Variants in POLA1 observed in about 807,000 individuals in gnomAD.
POLA1 encodes DNA polymerase alpha 1, catalytic subunit, also known as DNA polymerase alpha catalytic subunit.
A neutral mutation model predicts 124.0 loss-of-function variants in POLA1; 15 were observed. That is an observed-to-expected ratio of 0.12 (90% CI 0.08 to 0.19). The LOEUF (loss-of-function observed/expected upper bound fraction) is 0.19, where lower values mean the gene tolerates loss of function less well. POLA1 is among the 10% of genes least tolerant of loss of function. The pLI is 1.00. For missense variants in POLA1, 886 were observed against 1,103.4 expected, an observed-to-expected ratio of 0.80 and a Z score of 2.79; for synonymous variants, 408 against 389.4, an observed-to-expected ratio of 1.05 and a Z score of -0.56.
intron 36 of POLA1, among the ~76,000 whole-genome samples, chrX:24,955,811 G>A (rs1196920574): frequency 1.8e-5 from 2 of 111,793 alleles, no homozygotes; most frequent in East Asian, 5.6e-4. Flanking sequence ...TTTGTTCAGA[G>A]ATGTGTAGAT....
At chrX:24,951,381 T>C (rs887145833) in intron 36 of POLA1, among the ~76,000 whole-genome samples, 13 of 91,632 alleles carry the variant, frequency 1.4e-4, no homozygotes, top group African/African-American at 5.2e-4. Context: ...CGAGGATATT[T>C]TATTATAAAT....
chrX:24,917,002 A>G (rs980592784), intron 35 of POLA1, among the ~76,000 whole-genome samples: 1 of 112,514 alleles, frequency 8.9e-6, no homozygotes, highest in Non-Finnish European at 1.9e-5. Flanking sequence ...TAACACTTTA[A>G]TGTCTAAAAA....
At chrX:24,776,396 C>A (rs773786333) in intron 26 of POLA1, among the ~76,000 whole-genome samples, 2 of 111,410 alleles carry the variant, frequency 1.8e-5, no homozygotes, top group East Asian at 5.6e-4. Flanking sequence ...CATTTTCCCC[C>A]CTTTTCCTAA....
intron 26 of POLA1, among the ~76,000 whole-genome samples, chrX:24,778,662 CTCTG>C (rs2045193400): frequency 8.9e-6 from 1 of 112,079 alleles, no homozygotes; most frequent in African/African-American, 3.2e-5. Flanking sequence ...TTTCCCTATG[CTCTG>C]GGCACTATCC....
At position 24,723,163 on chromosome X, in the gene POLA1, T is replaced by C; in HGVS notation, c.1096T>C (p.Phe366Leu). 1.7e-6 allele frequency: 2 copies of C among 1,185,495 alleles called. No individual in the cohort carries two copies. The highest frequency in any genetic ancestry group is 2.3e-6 in the Non-Finnish European group (2 of 871,645). ...TTCACTTATTCTTTCAGGTGTGGTA[T>C]TTCTGTTTGGGAAAGTTTGGATTGA... ...EDQYNQPGVV[F>L]LFGKVWIESA... The change falls in exon 11 of 37, where the codon TTT becomes CTT. Residue 366 changes from phenylalanine to leucine, a missense_variant. By Grantham distance (22) the Phe-to-Leu change is conservative (BLOSUM62 0). This residue lies in a region of POLA1 where 337 missense variants were observed against 402.8 expected (regional missense o/e 0.84). Coordinates refer to ENST00000379068, the MANE Select transcript of POLA1 (RefSeq NM_001330360.2).
At chrX:24,864,709 C>T (rs967809822) in intron 34 of POLA1, among the ~76,000 whole-genome samples, 3 of 109,965 alleles carry the variant, frequency 2.7e-5, no homozygotes, top group Non-Finnish European at 5.7e-5. Context: ...CTTTCGTGGA[C>T]ATCACAGCTA....
chrX:24,904,487 A>G (rs2047331456), intron 35 of POLA1, among the ~76,000 whole-genome samples: 1 of 108,807 alleles, frequency 9.2e-6, no homozygotes, highest in Admixed American at 9.8e-5. Context: ...TGGTGGCAAC[A>G]GAAGCTGCAG....
At chrX:24,743,700 TC>T (rs1205626978) in intron 23 of POLA1, among the ~76,000 whole-genome samples, 1 of 111,616 alleles carries the variant, frequency 9.0e-6, no homozygotes, top group Non-Finnish European at 1.9e-5. Context: ...CCGTAGTTTG[TC>T]TAATACATAG....
intron 35 of POLA1, among the ~76,000 whole-genome samples, chrX:24,930,221 G>A (rs1027441287): frequency 8.9e-6 from 1 of 111,852 alleles, no homozygotes; most frequent in South Asian, 3.7e-4. Flanking sequence ...CTGCAGCTTC[G>A]CAAGTAGTAA....
chrX:24,983,482 A>G (rs181772457), intron 36 of POLA1, among the ~76,000 whole-genome samples: 40 of 112,001 alleles, frequency 3.6e-4, no homozygotes, highest in African/African-American at 1.3e-3. Flanking sequence ...CCCAAACGCA[A>G]TTTATTTGCC....
rs748941380 is a variant in POLA1, at chrX:24,712,080, A to AT, written c.347-2465dup. On this transcript the variant is annotated intron_variant, in intron 4 of 36. Transcript: ENST00000379068. The stretch of plus-strand genomic sequence containing the variant: ...GCATTTCAGTGTGGTTTTCATTTGC[A>AT]TTTTTTTTTGTTTGTTTGTTTTTGA... 2.8e-3 allele frequency among the ~76,000 whole-genome samples: 311 copies of AT among 109,516 alleles called. 3 individuals carry two copies. The highest frequency in any genetic ancestry group is 9.6e-3 in the African/African-American group (291 of 30,233).
chrX:24,706,733 A>G (rs1286772542), intron 4 of POLA1, among the ~76,000 whole-genome samples: 3 of 112,175 alleles, frequency 2.7e-5, no homozygotes, highest in Non-Finnish European at 5.6e-5. Context: ...TGTTCTTGTT[A>G]TATATCCTAA....
At chrX:24,797,990 G>A (rs1226964217) in intron 26 of POLA1, among the ~76,000 whole-genome samples, 1 of 110,649 alleles carries the variant, frequency 9.0e-6, no homozygotes, top group Admixed American at 9.6e-5. Flanking sequence ...CAAGGCTGCA[G>A]TGACCCAAGA....
chrX:24,970,313 A>G (rs1374404609), intron 36 of POLA1, among the ~76,000 whole-genome samples: 1 of 112,410 alleles, frequency 8.9e-6, no homozygotes, highest in African/African-American at 3.2e-5. Flanking sequence ...CTCAAGATAG[A>G]TTAAAGACTT....
At chrX:24,716,582 T>C (rs1306009627) in intron 7 of POLA1, 128 bp downstream of exon 7, 5 of 452,238 alleles carry the variant, frequency 1.1e-5, no homozygotes, top group Non-Finnish European at 1.5e-5. Context: ...AGGACTCCCA[T>C]TCAATTTATA....
chrX:24,925,153 C>T (rs1224817319), intron 35 of POLA1, among the ~76,000 whole-genome samples: 1 of 111,968 alleles, frequency 8.9e-6, no homozygotes, highest in Non-Finnish European at 1.9e-5. Flanking sequence ...ACAGTTATAG[C>T]GAGTGCTGGA....
chrX:24,928,196 C>A (rs2047722664), intron 35 of POLA1, among the ~76,000 whole-genome samples: 1 of 111,296 alleles, frequency 9.0e-6, no homozygotes, highest in Non-Finnish European at 1.9e-5. Context: ...CCCCTATTTT[C>A]CTTATCCATT....
chrX:24,982,239 A>G (rs1473330848), intron 36 of POLA1, among the ~76,000 whole-genome samples: 1 of 108,143 alleles, frequency 9.2e-6, no homozygotes, highest in Non-Finnish European at 1.9e-5. Flanking sequence ...AACTGCTGCC[A>G]CAAAAAAAAA....
intron 18 of POLA1, among the ~76,000 whole-genome samples, chrX:24,735,724 G>A (rs1344755394): frequency 9.0e-6 from 1 of 110,991 alleles, no homozygotes. Context: ...AGGATTGTCT[G>A]GCTATTTATG....
Sources: gnomAD v4.1 joint callset for allele counts (sites outside exome capture counted in the v4.1 genomes callset) on GRCh38, gnomAD v4.1.1 for gene constraint, gnomAD v4.1.1 regional missense constraint, MANE v1.5 for transcripts, NCBI Gene and HGNC (gene_info 2026-07-23, HGNC 2026-07-21) for gene names.